The following SPOUT1 variants were observed in gnomAD, a reference collection of about 807,000 sequenced individuals.
SPOUT1 encodes the protein 28S rRNA (uridine-N(3))-methyltransferase.
In SPOUT1, 40 loss-of-function variants were observed where a neutral mutation model predicts 54.8. The observed-to-expected ratio is 0.73, with a 90% CI of 0.57 to 0.95. The LOEUF is 0.95. Ranked by LOEUF, SPOUT1 falls within the 40% of genes least tolerant of loss-of-function variation. The pLI, the probability that SPOUT1 is intolerant of heterozygous loss-of-function variation, is 0.00. For synonymous variants in SPOUT1, 193 were observed against 200.3 expected (o/e 0.96, Z 0.31); for missense variants, 437 against 499.5 (o/e 0.87, Z 1.19).
At chr9:128,824,925 G>A in intron 8 of SPOUT1, 52 bp downstream of exon 8, 1 of 1,597,244 alleles carries the variant, frequency 6.3e-7, no homozygotes, top group Non-Finnish European at 8.6e-7. Flanking sequence ...GCAGGTGGCT[G>A]AACCCTGGAG....
chr9:128,822,847 G>A lies in SPOUT1; in HGVS notation c.1063-14C>T, dbSNP rs1158281716. 5.1e-6 allele frequency: 8 copies of A among 1,563,372 alleles called. No homozygotes were observed. The highest frequency in any genetic ancestry group is 2.3e-5 in the East Asian group (1 of 42,794). ...GAGGATGGCTTCCTGGAAGAGAAGC[G>A]TGGCAGTGGGCTGGGGCCTGGGGGG... On this transcript the variant is annotated splice_polypyrimidine_tract_variant and intron_variant, in intron 11 of 11. Transcript: ENST00000361256.
chr9:128,827,718 T>C (rs1173803263), intron 3 of SPOUT1, among the ~76,000 whole-genome samples: 5 of 152,090 alleles, frequency 3.3e-5, no homozygotes, highest in Non-Finnish European at 7.4e-5. Context: ...GGTCAGGAGT[T>C]CAAGACCAGC....
intron 11 of SPOUT1, 33 bp downstream of exon 11, chr9:128,823,714 G>A: frequency 6.4e-7 from 1 of 1,574,612 alleles, no homozygotes; most frequent in Non-Finnish European, 8.6e-7. Flanking sequence ...CAAGGCCCCA[G>A]TGGCTGGCAG....
chr9:128,820,718 A>G lies in SPOUT1; in HGVS notation c.*2047T>C. ...GAAGGGTCCCAGCCACAGTCCTGCT[A>G]AGCCCTATCTCTCCTACCAGGTGCC... On this transcript the variant is annotated 3_prime_UTR_variant, in exon 12 of 12. Transcript: ENST00000361256. 1 of 1,592,296 alleles carries G rather than the reference A, an allele frequency of 6.3e-7. No homozygotes were observed. Among genetic ancestry groups the G allele is most frequent in the East Asian group, 2.3e-5 (1 of 44,406 alleles).
chr9:128,825,930 A>G (rs2118807114), intron 7 of SPOUT1, 92 bp downstream of exon 7: 1 of 1,522,450 alleles, frequency 6.6e-7, no homozygotes, highest in East Asian at 2.3e-5. Flanking sequence ...GATTTCGGGC[A>G]GGTCCAGGGC....
Position 128,823,938 on chromosome 9 carries a change from C to G in SPOUT1, c.915-44G>C, listed in dbSNP as rs751230160. On this transcript the variant is annotated intron_variant, in intron 10 of 11. Transcript: ENST00000361256. The stretch of plus-strand genomic sequence containing the variant: ...GGTCACCTGAGCGGCCACCGAGGCC[C>G]CACCCAGCACAGCGCCCAGACCTCA... 5 of 1,607,252 alleles carry G rather than the reference C, an allele frequency of 3.1e-6. No homozygotes were observed. In the African/African-American group the frequency reaches 5.3e-5, roughly 17 times the overall value.
intron 1 of SPOUT1, 122 bp from the exon 2 acceptor site, chr9:128,829,277 T>C: frequency 1.2e-6 from 1 of 840,732 alleles, no homozygotes; most frequent in South Asian, 1.4e-5. Flanking sequence ...AAGGAACCTC[T>C]GCGAACTGCT....
At chr9:128,825,076 G>C in intron 7 of SPOUT1, 27 bp from the exon 8 acceptor site, 1 of 1,520,690 alleles carries the variant, frequency 6.6e-7, no homozygotes, top group Non-Finnish European at 8.9e-7. Context: ...AGAAATGGGT[G>C]CCATTCCTCT....
Position 128,820,624 on chromosome 9 carries a change from C to T in SPOUT1, c.*2141G>A. On this transcript the variant is annotated 3_prime_UTR_variant, in exon 12 of 12. Transcript: ENST00000361256. ...TTCCTTGAGCCTCAGTTTCCCCCCG[C>T]TTGTCTCACTGGATATCTCTGAGCC... The T allele has an allele frequency of 1.2e-6, 1 of 830,042 alleles. No individual in the cohort carries two copies. The highest frequency in any genetic ancestry group is 1.9e-6 in the Non-Finnish European group (1 of 513,364). 51.4% of individuals were successfully genotyped at this position (830,042 alleles called of 1,614,324 possible).
In SPOUT1 at chr9:128,826,652, T is replaced by A; in HGVS notation, c.369-23A>T. On this transcript the variant is annotated intron_variant, in intron 4 of 11. Coordinates refer to ENST00000361256, the MANE Select transcript of SPOUT1 (RefSeq NM_016390.4). The surrounding 1 kb of genome is among the most constrained non-coding windows in gnomAD (Gnocchi z 5.5). ...GTCCTGGAGAGAGAGAGATGGGGGC[T>A]CAGGATCCAGCTGTGGCCCCTTCAA... is the stretch of plus-strand genomic sequence containing the variant. 1 of 1,503,204 alleles carries A rather than the reference T, an allele frequency of 6.7e-7. No individual in the cohort carries two copies. The highest frequency in any genetic ancestry group is 9.0e-7 in the Non-Finnish European group (1 of 1,110,542). 93.1% of individuals were successfully genotyped at this position (1,503,204 alleles called of 1,614,324 possible). A position where few individuals can be genotyped will look rare whatever the true frequency, so the allele number is the denominator to read the frequency against.
At position 128,824,770 on chromosome 9, in the gene SPOUT1, C is replaced by T. The variant is rs1423387240; in HGVS notation, c.811+1G>A. The stretch of plus-strand genomic sequence containing the variant: ...TTCAGAGAAGTAAGGTCTGTCCTTA[C>T]TGAGGCAGGAAGCCAGTCGGACGGT... On this transcript the variant is annotated splice_donor_variant, in intron 9 of 11. Coordinates refer to ENST00000361256, the MANE Select transcript of SPOUT1 (RefSeq NM_016390.4). LOFTEE classifies it high-confidence loss of function. 2.5e-6 allele frequency: 4 copies of T among 1,610,782 alleles called. No homozygotes were observed. Among genetic ancestry groups the T allele is most frequent in the African/African-American group, 1.3e-5 (1 of 74,826 alleles).
intron 1 of SPOUT1, 30 bp from the exon 2 acceptor site, chr9:128,829,185 G>A (rs770501890): frequency 2.4e-5 from 38 of 1,597,640 alleles, no homozygotes; most frequent in Non-Finnish European, 3.0e-5. Flanking sequence ...AGGATTATGA[G>A]TGTGAGGCTG....
At chr9:128,827,221 T>C (rs751825847) in intron 3 of SPOUT1, 30 bp from the exon 4 acceptor site, 32 of 1,586,122 alleles carry the variant, frequency 2.0e-5, no homozygotes, top group East Asian at 2.3e-5. Flanking sequence ...TCCCAGCCAG[T>C]GTGAGAGGCA....
At chr9:128,829,658 G>C (rs980461820) in intron 1 of SPOUT1, 87 bp downstream of exon 1, 1 of 1,055,774 alleles carries the variant, frequency 9.5e-7, no homozygotes, top group South Asian at 1.5e-5. Flanking sequence ...CAGGAGGCGC[G>C]GCCCGGCCCC....
At position 128,820,730 on chromosome 9, in the gene SPOUT1, T is replaced by G; in HGVS notation, c.*2035A>C. 1.2e-6 allele frequency: 2 copies of G among 1,603,786 alleles called. No homozygotes were observed. The highest frequency in any genetic ancestry group is 1.3e-5 in the African/African-American group (1 of 74,854). ...CCACAGTCCTGCTAAGCCCTATCTC[T>G]CCTACCAGGTGCCCCACCTCAACCA... On this transcript the variant is annotated 3_prime_UTR_variant, in exon 12 of 12. Coordinates refer to ENST00000361256, the MANE Select transcript of SPOUT1 (RefSeq NM_016390.4).
Position 128,822,484 on chromosome 9 carries a change from G to A in SPOUT1, c.*281C>T. The A allele has an allele frequency of 6.4e-7, 1 of 1,567,278 alleles. No individual in the cohort carries two copies. The highest frequency in any genetic ancestry group is 1.7e-4 in the Middle Eastern group (1 of 6,000). On this transcript the variant is annotated 3_prime_UTR_variant, in exon 12 of 12. Transcript: ENST00000361256. ...TGATGCCCAACGCACCTGTGGATGA[G>A]GCCATCCCACTGGAGCGCTTCCTGG...
Position 128,824,090 on chromosome 9 carries a change from G to A in SPOUT1, c.896C>T (p.Ala299Val), listed in dbSNP as rs1484008205. The stretch of plus-strand genomic sequence containing the variant: ...TACACACCTGAAGTTGGGAAGCTGG[G>A]CAGAGGCCACATCTGAGCCGCGCTC... ...TSERGSDVAS[A>V]QLPNFRHALV... The change falls in exon 10 of 12, where the codon GCC becomes GTC. Residue 299 changes from alanine (A) to valine (V), a missense_variant. Ala to Val is a moderately conservative substitution (Grantham distance 64, BLOSUM62 0). Coordinates refer to ENST00000361256, the MANE Select transcript of SPOUT1 (RefSeq NM_016390.4). The A allele has an allele frequency of 1.6e-5, 26 of 1,613,278 alleles. No homozygotes were observed. Among genetic ancestry groups the A allele is most frequent in the Non-Finnish European group, 2.1e-5 (25 of 1,179,756 alleles).
chr9:128,824,181 G>A lies in SPOUT1; in HGVS notation c.812-7C>T. ...GCCTCAGCAAACACAGCACCTGGGG[G>A]TGGGGCCAGCTCAGTGCAGGTCCTG... is the stretch of plus-strand genomic sequence containing the variant. On this transcript the variant is annotated splice_region_variant and splice_polypyrimidine_tract_variant and intron_variant, in intron 9 of 11. Coordinates refer to ENST00000361256, the MANE Select transcript of SPOUT1 (RefSeq NM_016390.4). 3.8e-6 allele frequency: 6 copies of A among 1,587,090 alleles called. No individual in the cohort carries two copies. The highest frequency in any genetic ancestry group is 4.3e-6 in the Non-Finnish European group (5 of 1,156,452).
chr9:128,821,636 G>GGGGCTGAGAGGCAACAGGTCC lies in SPOUT1; in HGVS notation c.*1108_*1128dup, dbSNP rs1830120593. On this transcript the variant is annotated 3_prime_UTR_variant, in exon 12 of 12. Coordinates refer to ENST00000361256, the MANE Select transcript of SPOUT1 (RefSeq NM_016390.4). The stretch of plus-strand genomic sequence containing the variant: ...TGGTTTTTCTGGCCTGCAGAGGGCT[G>GGGGCTGAGAGGCAACAGGTCC]GGGCTGAGAGGCAACAGGTCCAGGC... 6.4e-6 allele frequency: 1 copy of GGGGCTGAGAGGCAACAGGTCC among 155,184 alleles called. No individual in the cohort carries two copies. The highest frequency in any genetic ancestry group is 2.4e-5 in the African/African-American group (1 of 41,448). 9.6% of individuals were successfully genotyped at this position (155,184 alleles called of 1,614,324 possible).
Sources: gnomAD v4.1 joint callset for allele counts (sites outside exome capture counted in the v4.1 genomes callset) on GRCh38, gnomAD v4.1.1 for gene constraint, Gnocchi (gnomAD v3.1) non-coding constraint, MANE v1.5 for transcripts, NCBI Gene and HGNC (gene_info 2026-07-23, HGNC 2026-07-21) for gene names.